The following NUP210 variants were observed in gnomAD, a reference collection of about 807,000 sequenced individuals.
NUP210 encodes the protein nuclear pore membrane glycoprotein 210.
NUP210 carries 151 observed loss-of-function variants against 196.0 expected under a neutral mutation model. The observed-to-expected ratio is 0.77, with a 90% CI of 0.67 to 0.88. NUP210 has a LOEUF of 0.88. Ranked by LOEUF, NUP210 falls within the 40% of genes least tolerant of loss-of-function variation. The pLI is 0.00. For synonymous variants in NUP210, 1,070 were observed against 1,052.7 expected, an observed-to-expected ratio of 1.02 and a Z score of -0.32; for missense variants, 2,314 against 2,493.7, an observed-to-expected ratio of 0.93 and a Z score of 1.53.
At chr3:13,413,840 C>T (rs1002507873) in intron 1 of NUP210, among the ~76,000 whole-genome samples, 3 of 151,748 alleles carry the variant, frequency 2.0e-5, no homozygotes, top group South Asian at 2.1e-4. Flanking sequence ...TTAAGGAGGT[C>T]GATTATATGT....
chr3:13,323,155 G>T lies in NUP210; in HGVS notation c.4768+154C>A, dbSNP rs1000464283. Among the ~76,000 whole-genome samples, 3 of 152,178 alleles carry T rather than the reference G, an allele frequency of 2.0e-5. No individual in the cohort carries two copies. The highest frequency in any genetic ancestry group is 4.4e-5 in the Non-Finnish European group (3 of 68,038). On this transcript the variant is annotated intron_variant, in intron 34 of 39. Transcript: ENST00000254508. This position sits in a 1 kb window ranked among gnomAD's most constrained non-coding sequence, Gnocchi z 4.3. ...TTTGGAGGACTCCAATTTCAGAAAC[G>T]CTGGAAGGAGTGGATGAGTGGGGGC...
intron 3 of NUP210, among the ~76,000 whole-genome samples, chr3:13,396,296 G>A (rs947653358): frequency 2.6e-5 from 4 of 152,112 alleles, no homozygotes; most frequent in African/African-American, 7.2e-5. Context: ...AAGAAATCCT[G>A]ATCCAGAAAT....
chr3:13,352,929 T>TG (rs577438971), intron 18 of NUP210, among the ~76,000 whole-genome samples: 22 of 136,726 alleles, frequency 1.6e-4, no homozygotes, highest in Non-Finnish European at 3.5e-4. Context: ...CTATGGGGGG[T>TG]GGGGGGACAT....
chr3:13,356,507 G>T (rs1448722950), intron 16 of NUP210, among the ~76,000 whole-genome samples: 1 of 152,172 alleles, frequency 6.6e-6, no homozygotes, highest in African/African-American at 2.4e-5. Flanking sequence ...GCTGGGTGTG[G>T]TGGCGCATGC....
rs537208293 is a variant in NUP210, at chr3:13,335,221, A to C, written c.3843+233T>G. On this transcript the variant is annotated intron_variant, in intron 28 of 39. Transcript: ENST00000254508. ...CTCCAGGCCTTTGCCAGCCCCTCCC[A>C]TCCTGAAACATTACTCCTCTGTGAA... 1.2e-3 allele frequency among the ~76,000 whole-genome samples: 177 copies of C among 152,186 alleles called. 3 individuals are homozygous for C. The South Asian group carries it at 0.036, about 31-fold the overall frequency.
intron 1 of NUP210, among the ~76,000 whole-genome samples, chr3:13,415,871 A>T (rs1185093000): frequency 6.6e-6 from 1 of 152,080 alleles, no homozygotes; most frequent in African/African-American, 2.4e-5. Flanking sequence ...TTAGTGCCCA[A>T]CTTCACCCAC....
chr3:13,375,423 A>G, intron 11 of NUP210, 81 bp downstream of exon 11: 1 of 1,370,924 alleles, frequency 7.3e-7, no homozygotes, highest in South Asian at 1.4e-5. Flanking sequence ...GAGTAATACT[A>G]AAAGTAATAG....
intron 4 of NUP210, 118 bp from the exon 5 acceptor site, chr3:13,388,571 G>A: frequency 9.1e-7 from 1 of 1,101,208 alleles, no homozygotes; most frequent in East Asian, 3.0e-5. Flanking sequence ...GAAATAAGGG[G>A]TGTCCCCCTA....
chr3:13,416,522 T>C (rs887831664), intron 1 of NUP210, among the ~76,000 whole-genome samples: 1 of 152,280 alleles, frequency 6.6e-6, no homozygotes, highest in African/African-American at 2.4e-5. Context: ...CCCTTCCCTA[T>C]CCAGCTGCCC....
intron 3 of NUP210, among the ~76,000 whole-genome samples, chr3:13,395,452 G>C (rs1178576014): frequency 6.6e-6 from 1 of 152,130 alleles, no homozygotes. Context: ...TGAGTAACTG[G>C]GACTACAGGT....
Position 13,358,203 on chromosome 3 carries a change from G to T in NUP210, c.2328+19C>A. The T allele has an allele frequency of 6.3e-7, 1 of 1,581,154 alleles. No homozygotes were observed. Among genetic ancestry groups the T allele is most frequent in the South Asian group, 1.1e-5 (1 of 88,512 alleles). ...GCGGGTGGCACCCTCACCTCCTCCC[G>T]AGCATAGCCCACACTCACCACCTGC... is the stretch of plus-strand genomic sequence containing the variant. On this transcript the variant is annotated intron_variant, in intron 16 of 39. Transcript: ENST00000254508.
rs368739543 is a variant in NUP210 at position 13,366,053 on chromosome 3, G to A, written c.1825C>T (p.Arg609Trp). The A allele has an allele frequency of 1.5e-5, 24 of 1,614,012 alleles. No homozygotes were observed. Among genetic ancestry groups the A allele is most frequent in the Non-Finnish European group, 1.9e-5 (22 of 1,179,976 alleles). ...GAGCCCTGGGCCTCGGCCTTTACCC[G>A]GATGCCGCTGCAGTGCTCAGAGCCT... ...PPGSEHCSGIRVKAEAQGSTT... is the reference protein window; with the variant it reads ...PPGSEHCSGIWVKAEAQGSTT... The change falls in exon 14 of 40, where the codon CGG becomes TGG. Residue 609 changes from arginine (R) to tryptophan (W), a missense_variant. Transcript: ENST00000254508.
At chr3:13,337,133 C>T (rs1265034656) in intron 26 of NUP210, 3 of 463,186 alleles carry the variant, frequency 6.5e-6, no homozygotes, top group Non-Finnish European at 1.2e-5. Context: ...CTGCAGCGGG[C>T]TGCACCTCTC....
At chr3:13,403,621 G>A (rs567378660) in intron 1 of NUP210, among the ~76,000 whole-genome samples, 7 of 152,160 alleles carry the variant, frequency 4.6e-5, no homozygotes, top group South Asian at 2.1e-4. Context: ...CCGTGCAGGC[G>A]CAGGGCTCTC....
intron 12 of NUP210, 58 bp downstream of exon 12, chr3:13,373,660 G>A (rs1698803330): frequency 6.4e-7 from 1 of 1,573,878 alleles, no homozygotes; most frequent in Admixed American, 1.7e-5. Flanking sequence ...GCTCAGAGGG[G>A]GCGGCTGGAG....
chr3:13,399,130 G>C (rs1196372005), intron 2 of NUP210, among the ~76,000 whole-genome samples: 1 of 151,918 alleles, frequency 6.6e-6, no homozygotes, highest in African/African-American at 2.4e-5. Context: ...GCCGGGTGTG[G>C]TGGCGCATGC....
At position 13,373,711 on chromosome 3, in the gene NUP210, A is replaced by T; in HGVS notation, c.1587+7T>A. The T allele has an allele frequency of 6.2e-7, 1 of 1,613,882 alleles. No homozygotes were observed. Among genetic ancestry groups the T allele is most frequent in the Non-Finnish European group, 8.5e-7 (1 of 1,179,868 alleles). On this transcript the variant is annotated splice_region_variant and intron_variant, in intron 12 of 39. Transcript: ENST00000254508. ...TCCCAGGGGGTGTCTTGGCCCTGAG[A>T]TCTCACCTTCATCTCACCGAAATGG...
At chr3:13,352,597 G>C (rs1467689107) in intron 18 of NUP210, among the ~76,000 whole-genome samples, 1 of 152,226 alleles carries the variant, frequency 6.6e-6, no homozygotes, top group African/African-American at 2.4e-5. Flanking sequence ...AGAGGACAAT[G>C]ACAGCCCTCA....
chr3:13,389,650 G>A lies in NUP210; in HGVS notation c.534-1197C>T, dbSNP rs139982576. ...CACAAAGGCGTCAGGACATGAGGAC[G>A]TCGGCCTGGAGTTGCTGTAAGCTGA... On this transcript the variant is annotated intron_variant, in intron 4 of 39. Transcript: ENST00000254508. 5.3e-5 allele frequency among the ~76,000 whole-genome samples: 8 copies of A among 152,300 alleles called. No individual in the cohort carries two copies. In the East Asian group the frequency reaches 1.2e-3, roughly 22 times the overall value.
Sources: gnomAD v4.1 joint callset for allele counts (sites outside exome capture counted in the v4.1 genomes callset) on GRCh38, gnomAD v4.1.1 for gene constraint, Gnocchi (gnomAD v3.1) non-coding constraint, MANE v1.5 for transcripts, NCBI Gene and HGNC (gene_info 2026-07-23, HGNC 2026-07-21) for gene names.